The following TMEM245 variants were observed in gnomAD, a reference collection of about 807,000 sequenced individuals.
The protein encoded by TMEM245 is protein CG-2.
In TMEM245, 69 loss-of-function variants were observed where a neutral mutation model predicts 101.2. That is an observed-to-expected ratio of 0.68 (90% CI 0.56 to 0.83). The LOEUF is 0.83. Among genes scored for constraint, TMEM245 ranks in the 40% least tolerant of loss-of-function variants. The pLI, the probability that TMEM245 is intolerant of heterozygous loss-of-function variation, is 0.00. For synonymous variants in TMEM245, 537 were observed against 449.8 expected, an observed-to-expected ratio of 1.19 and a Z score of -2.45; for missense variants, 1,075 against 1,092.8, an observed-to-expected ratio of 0.98 and a Z score of 0.23.
chr9:109,100,878 A>C lies in TMEM245; in HGVS notation c.799+5630T>G, dbSNP rs1409520697. The stretch of plus-strand genomic sequence containing the variant: ...ACAGGCACTTAAATATTTTTCCCTT[A>C]TTATCTTAAGCTTTTGGGAAATACT... On this transcript the variant is annotated intron_variant, in intron 3 of 17. Transcript: ENST00000374586. 2.6e-5 allele frequency among the ~76,000 whole-genome samples: 4 copies of C among 152,274 alleles called. No individual in the cohort carries two copies. The East Asian group carries it at 7.7e-4, about 29-fold the overall frequency.
At chr9:109,044,683 A>G (rs1023947689) in intron 14 of TMEM245, among the ~76,000 whole-genome samples, 2 of 152,080 alleles carry the variant, frequency 1.3e-5, no homozygotes, top group Non-Finnish European at 2.9e-5. Context: ...GGTACATAAT[A>G]ATGTTTCAAT....
rs1828864492 is a variant in TMEM245, at chr9:109,057,192, G to A, written c.1853C>T (p.Ser618Leu). The change falls in exon 12 of 18, where the codon TCG (serine) becomes TTG (leucine). Residue 618 changes from serine (S) to leucine (L), a missense_variant and splice_region_variant. By Grantham distance (145) the Ser-to-Leu change is moderately radical. Coordinates refer to ENST00000374586, the MANE Select transcript of TMEM245 (RefSeq NM_032012.4). ...FVHENIETFL[S>L]ILESLWIVMS... ...TTAACTATAAATGCTATTTCTTACC[G>A]AAAGAAATGTCTCAATGTTCTCGTG... is the stretch of plus-strand genomic sequence containing the variant. 2 of 1,611,348 alleles carry A rather than the reference G, an allele frequency of 1.2e-6. No homozygotes were observed. The highest frequency in any genetic ancestry group is 2.2e-5 in the East Asian group (1 of 44,816).
chr9:109,067,018 T>C lies in TMEM245; in HGVS notation c.1533-2451A>G, dbSNP rs1166672388. 3.4e-5 allele frequency among the ~76,000 whole-genome samples: 5 copies of C among 147,340 alleles called. No individual in the cohort carries two copies. In the East Asian group the frequency reaches 1.0e-3, roughly 29 times the overall value. On this transcript the variant is annotated intron_variant, in intron 9 of 17. Transcript: ENST00000374586. ...TTGCAGTGAGCCGAGATCATGCCAT[T>C]GCATTCCAGCCTGGGCGGCAAGGGC...
In TMEM245 at chr9:109,016,353, G is replaced by A. The variant is rs1490672990; in HGVS notation, c.*4107C>T. The stretch of plus-strand genomic sequence containing the variant: ...ACATCTCTTGGAACTACTGCTATAT[G>A]GAACACATTTTGCCAAAAGCTGCTC... On this transcript the variant is annotated 3_prime_UTR_variant, in exon 18 of 18. Transcript: ENST00000374586. 6 of 151,582 alleles carry A rather than the reference G, an allele frequency of 4.0e-5. No individual in the cohort carries two copies. The highest frequency in any genetic ancestry group is 1.5e-4 in the African/African-American group (6 of 41,206). 9.4% of individuals were successfully genotyped at this position (151,582 alleles called of 1,614,324 possible). A position where few individuals can be genotyped will look rare whatever the true frequency, so the allele number is the denominator to read the frequency against.
At chr9:109,027,678 CT>C (rs35393366) in intron 17 of TMEM245, among the ~76,000 whole-genome samples, 4 of 149,906 alleles carry the variant, frequency 2.7e-5, no homozygotes, top group Admixed American at 1.3e-4. Flanking sequence ...GTGTCTCACT[CT>C]TTTTTTTTTG....
At chr9:109,065,455 C>G (rs546599142) in intron 9 of TMEM245, among the ~76,000 whole-genome samples, 1 of 152,206 alleles carries the variant, frequency 6.6e-6, no homozygotes, top group African/African-American at 2.4e-5. Context: ...AGAAAGAATG[C>G]AGGAAATGAA....
At chr9:109,037,964 T>C (rs1828185963) in intron 15 of TMEM245, 53 bp downstream of exon 15, 4 of 1,420,436 alleles carry the variant, frequency 2.8e-6, no homozygotes, top group Non-Finnish European at 3.8e-6. Flanking sequence ...GTATGTAAAA[T>C]GGCTTAACTT....
intron 9 of TMEM245, among the ~76,000 whole-genome samples, chr9:109,068,338 C>T (rs900922989): frequency 2.0e-5 from 3 of 149,162 alleles, no homozygotes; most frequent in African/African-American, 7.5e-5. Context: ...CCACTGCACT[C>T]CAGCCTGGGC....
At position 109,119,343 on chromosome 9, in the gene TMEM245, T is replaced by C. The variant is rs1301240769; in HGVS notation, c.571A>G (p.Ser191Gly). The stretch of plus-strand genomic sequence containing the variant: ...GACTGCCGCTCACTCACCCACAGGC[T>C]GCTGAAGTAGTCCAGCCCGCGGCAG... ...LICRGLDYFS[S>G]LWIWTLVVGY... The change falls in exon 1 of 18, where the codon AGC becomes GGC. Residue 191 changes from serine to glycine, a missense_variant. Ser to Gly is a moderately conservative substitution (Grantham distance 56). Around this residue, in one of 2 missense-constraint regions of TMEM245, gnomAD observed 808 missense variants for 741.5 expected, o/e 1.09. Transcript: ENST00000374586. The C allele has an allele frequency of 6.5e-7, 1 of 1,530,918 alleles. No individual in the cohort carries two copies. The highest frequency in any genetic ancestry group is 2.0e-5 in the Admixed American group (1 of 50,426). The allele number at this position is 1,530,918 out of a possible 1,614,324, so 94.8% of individuals were successfully genotyped here.
intron 6 of TMEM245, among the ~76,000 whole-genome samples, chr9:109,086,878 G>C (rs182743849): frequency 6.6e-6 from 1 of 152,132 alleles, no homozygotes; most frequent in Non-Finnish European, 1.5e-5. Context: ...CATAATTTTA[G>C]GCAAGTCGCT....
rs1411194582 is a variant in TMEM245, at chr9:109,015,438, T to C, written c.*5022A>G. On this transcript the variant is annotated 3_prime_UTR_variant, in exon 18 of 18. Coordinates refer to ENST00000374586, the MANE Select transcript of TMEM245 (RefSeq NM_032012.4). ...AATACACTTCAGTTACCTAAATAAG[T>C]GGCACTGCAAAGGGCAAAGAAGGGT... is the stretch of plus-strand genomic sequence containing the variant. 6.6e-6 allele frequency: 1 copy of C among 152,246 alleles called. No individual in the cohort carries two copies. The highest frequency in any genetic ancestry group is 2.4e-5 in the African/African-American group (1 of 41,448). 9.4% of individuals were successfully genotyped at this position (152,246 alleles called of 1,614,324 possible). A position where few individuals can be genotyped will look rare whatever the true frequency, so the allele number is the denominator to read the frequency against.
intron 7 of TMEM245, among the ~76,000 whole-genome samples, chr9:109,083,712 G>A (rs923028936): frequency 1.9e-4 from 28 of 150,930 alleles, no homozygotes; most frequent in Admixed American, 1.3e-4. Context: ...ATTTTGCTTT[G>A]TTTTTAAACA....
intron 12 of TMEM245, among the ~76,000 whole-genome samples, chr9:109,055,609 G>GA (rs1280536182): frequency 2.6e-5 from 4 of 151,682 alleles, no homozygotes; most frequent in African/African-American, 7.3e-5. Flanking sequence ...TAGCAGAAAT[G>GA]AAAATTTCAA....
intron 11 of TMEM245, among the ~76,000 whole-genome samples, chr9:109,057,987 C>G (rs1308784702): frequency 1.9e-5 from 2 of 105,940 alleles, no homozygotes; most frequent in Non-Finnish European, 4.0e-5. Flanking sequence ...CCCATCTTTG[C>G]TTTTTCCTCC....
intron 7 of TMEM245, 23 bp from the exon 8 acceptor site, chr9:109,080,966 A>T: frequency 7.0e-7 from 1 of 1,425,320 alleles, no homozygotes; most frequent in Non-Finnish European, 9.9e-7. Flanking sequence ...GAAAAAGAGA[A>T]TTACTTATCT....
chr9:109,050,926 AC>A, intron 12 of TMEM245, among the ~76,000 whole-genome samples: 1 of 152,158 alleles, frequency 6.6e-6, no homozygotes, highest in East Asian at 1.9e-4. Context: ...GCAATTAAAA[AC>A]ATCACTGTTA....
intron 12 of TMEM245, among the ~76,000 whole-genome samples, chr9:109,055,352 G>GCTGA (rs113170071): frequency 0.15 from 22,146 of 152,184 alleles, 1,818 homozygotes; most frequent in African/African-American, 0.2. Context: ...GGTGGAACCT[G>GCTGA]CTAATGGGCT....
rs199711111 is a variant in TMEM245, at chr9:109,091,065, C to T, written c.1007G>A (p.Gly336Asp). The T allele has an allele frequency of 1.2e-6, 2 of 1,614,062 alleles. No homozygotes were observed. Among genetic ancestry groups the T allele is most frequent in the Non-Finnish European group, 1.7e-6 (2 of 1,180,022 alleles). The change falls in exon 5 of 18, where the codon GGC becomes GAC. Residue 336 changes from glycine to aspartate, a missense_variant. Coordinates refer to ENST00000374586, the MANE Select transcript of TMEM245 (RefSeq NM_032012.4). ...CGTTCCTATTTCAGGCCTTCGTCTGCCCAGAGTAGGTGAAGGGGAAGTGGG... is the reference window on the plus strand; with the variant it reads ...CGTTCCTATTTCAGGCCTTCGTCTGTCCAGAGTAGGTGAAGGGGAAGTGGG... ...PSPTSPSPTL[G>D]RRRPEIGTFL...
At chr9:109,074,314 A>C (rs1186990829) in intron 8 of TMEM245, among the ~76,000 whole-genome samples, 1 of 152,214 alleles carries the variant, frequency 6.6e-6, no homozygotes, top group Non-Finnish European at 1.5e-5. Flanking sequence ...AAGGAAAGAA[A>C]CATAATCTGA....
Sources: allele counts gnomAD v4.1 joint callset (sites outside exome capture counted in the v4.1 genomes callset), GRCh38; gene constraint gnomAD v4.1.1; regional missense constraint gnomAD v4.1.1; transcripts MANE v1.5; gene names NCBI Gene and HGNC (gene_info 2026-07-23, HGNC 2026-07-21).